The following GRM7 variants were observed in gnomAD, a reference collection of about 807,000 sequenced individuals.
GRM7 encodes metabotropic glutamate receptor 7.
GRM7 carries 35 observed loss-of-function variants against 84.5 expected under a neutral mutation model. That is an observed-to-expected ratio of 0.41 (90% CI 0.32 to 0.55). GRM7 has a LOEUF of 0.55. Ranked by LOEUF, GRM7 falls within the 20% of genes least tolerant of loss-of-function variation. The pLI, the probability that GRM7 is intolerant of heterozygous loss-of-function variation, is 0.19. For synonymous variants in GRM7, 487 were observed against 455.1 expected (o/e 1.07, Z -0.89); for missense variants, 1,003 against 1,194.6 (o/e 0.84, Z 2.36).
chr3:7,635,367 T>C (rs1404213213), intron 8 of GRM7, among the ~76,000 whole-genome samples: 1 of 152,212 alleles, frequency 6.6e-6, no homozygotes, highest in African/African-American at 2.4e-5. Context: ...CAAGTAGAAC[T>C]TGAGGGATGT....
intron 1 of GRM7, among the ~76,000 whole-genome samples, chr3:6,947,296 G>A (rs62235423): frequency 0.073 from 11,062 of 152,018 alleles, 557 homozygotes; most frequent in Non-Finnish European, 0.11. Context: ...CCTTTTCTGC[G>A]TTTATTGAGA....
intron 8 of GRM7, among the ~76,000 whole-genome samples, chr3:7,663,270 G>T (rs1189895318): frequency 6.6e-6 from 1 of 152,182 alleles, no homozygotes; most frequent in African/African-American, 2.4e-5. Context: ...GCATCGCTCA[G>T]GGAGCTCAGA....
rs139138026 is a variant in GRM7 at position 7,445,763 on chromosome 3, C to T, written c.1175-6844C>T. 1.8e-3 allele frequency among the ~76,000 whole-genome samples: 271 copies of T among 152,268 alleles called. 2 individuals are homozygous for T. The highest frequency in any genetic ancestry group is 6.2e-3 in the African/African-American group (259 of 41,552). On this transcript the variant is annotated intron_variant, in intron 5 of 9. Coordinates refer to ENST00000357716, the MANE Select transcript of GRM7 (RefSeq NM_000844.4). ...GTTTCACATTAATATTCATTTTATA[C>T]AGAGAAATGCATACCCTTGAGGGGG... is the stretch of plus-strand genomic sequence containing the variant.
At chr3:7,183,926 G>C (rs1695428625) in intron 2 of GRM7, among the ~76,000 whole-genome samples, 1 of 152,168 alleles carries the variant, frequency 6.6e-6, no homozygotes, top group Non-Finnish European at 1.5e-5. Flanking sequence ...GGTGCATTAG[G>C]AGTTGAACAG....
chr3:7,227,880 G>A (rs892516723), intron 2 of GRM7, among the ~76,000 whole-genome samples: 5 of 152,118 alleles, frequency 3.3e-5, no homozygotes, highest in African/African-American at 4.8e-5. Flanking sequence ...GTAATTCCAG[G>A]AGTAGTCCCT....
At chr3:6,921,187 G>A (rs1697111153) in intron 1 of GRM7, among the ~76,000 whole-genome samples, 2 of 152,298 alleles carry the variant, frequency 1.3e-5, no homozygotes, top group South Asian at 2.1e-4. Context: ...AAAAGCTGCC[G>A]AGAGGCAACT....
At chr3:7,163,634 T>C (rs1292578251) in intron 2 of GRM7, among the ~76,000 whole-genome samples, 1 of 152,120 alleles carries the variant, frequency 6.6e-6, no homozygotes, top group Non-Finnish European at 1.5e-5. Flanking sequence ...TTGGATGTTA[T>C]TTTAGACAGG....
chr3:7,596,665 A>G (rs575388229), intron 8 of GRM7, among the ~76,000 whole-genome samples: 9 of 152,298 alleles, frequency 5.9e-5, no homozygotes, highest in African/African-American at 2.2e-4. Flanking sequence ...AGAGCATCCA[A>G]TTGAGCAATG....
chr3:7,063,574 A>G (rs923280902), intron 1 of GRM7, among the ~76,000 whole-genome samples: 2 of 151,754 alleles, frequency 1.3e-5, no homozygotes, highest in African/African-American at 4.8e-5. Flanking sequence ...ATTTGATGAA[A>G]ATCTATAAGC....
In GRM7 at chr3:7,388,296, T is replaced by A. The variant is rs186965145; in HGVS notation, c.1034-26727T>A. 5.3e-5 allele frequency among the ~76,000 whole-genome samples: 8 copies of A among 152,284 alleles called. No homozygotes were observed. In the East Asian group the frequency reaches 1.5e-3, roughly 29 times the overall value. On this transcript the variant is annotated intron_variant, in intron 4 of 9. Transcript: ENST00000357716. ...ATGCCTTTTGTTTCTTTCTCTTGCC[T>A]GATCACTCTGGCTGGGACTTCCGGA...
intron 6 of GRM7, among the ~76,000 whole-genome samples, chr3:7,455,373 C>A: frequency 6.6e-6 from 1 of 152,114 alleles, no homozygotes; most frequent in South Asian, 2.1e-4. Flanking sequence ...GTACCTTTCA[C>A]CAAGATACAT....
chr3:7,515,030 C>T (rs952821604), intron 7 of GRM7, among the ~76,000 whole-genome samples: 1 of 151,816 alleles, frequency 6.6e-6, no homozygotes, highest in African/African-American at 2.4e-5. Flanking sequence ...TTAGGCAAGC[C>T]ATTCAGCCTT....
At chr3:7,121,494 G>A (rs987741860) in intron 1 of GRM7, among the ~76,000 whole-genome samples, 2 of 152,054 alleles carry the variant, frequency 1.3e-5, no homozygotes, top group Admixed American at 1.3e-4. Flanking sequence ...ATGCTTCATT[G>A]AAACCTATGC....
chr3:7,127,791 C>T (rs1392832553), intron 1 of GRM7, among the ~76,000 whole-genome samples: 2 of 151,996 alleles, frequency 1.3e-5, no homozygotes, highest in African/African-American at 4.8e-5. Context: ...GTTTGTTTTA[C>T]TTCCAATACT....
intron 1 of GRM7, among the ~76,000 whole-genome samples, chr3:7,077,376 T>C (rs1377802131): frequency 6.6e-6 from 1 of 152,062 alleles, no homozygotes; most frequent in Admixed American, 6.6e-5. Context: ...ATATATACCA[T>C]GGAATACTAT....
intron 5 of GRM7, among the ~76,000 whole-genome samples, chr3:7,435,584 C>T (rs921658147): frequency 6.6e-6 from 1 of 151,932 alleles, no homozygotes; most frequent in African/African-American, 2.4e-5. Context: ...ACGATCTCAG[C>T]TCGCTGCAAC....
Position 7,740,556 on chromosome 3 carries a change from A to C in GRM7, c.*150A>C. 2.0e-6 allele frequency: 1 copy of C among 493,934 alleles called. No homozygotes were observed. Among genetic ancestry groups the C allele is most frequent in the South Asian group, 4.1e-5 (1 of 24,144 alleles). 30.6% of individuals were successfully genotyped at this position (493,934 alleles called of 1,614,324 possible). ...CAGTGTTAGAGGATCCAAGCGACCT[A>C]AACAGCTGCTTTATGAAATATCCTT... On this transcript the variant is annotated 3_prime_UTR_variant, in exon 10 of 10. Transcript: ENST00000357716.
chr3:7,668,634 G>T (rs1699799335), intron 8 of GRM7, among the ~76,000 whole-genome samples: 1 of 152,204 alleles, frequency 6.6e-6, no homozygotes, highest in Admixed American at 6.5e-5. Context: ...AACTGGGTGG[G>T]GTAGAAGAAC....
chr3:7,305,342 TC>T lies in GRM7; in HGVS notation c.879-1155del, dbSNP rs1191456002. On this transcript the variant is annotated intron_variant, in intron 3 of 9. Transcript: ENST00000357716. ...TCCTATGCTGCTGCTTTTTTTTTTT[TC>T]TTTTTTTTTTTTTTTAATTATACTT... 2.2e-4 allele frequency among the ~76,000 whole-genome samples: 19 copies of T among 85,058 alleles called. 1 individual carries two copies. Among genetic ancestry groups the T allele is most frequent in the Middle Eastern group, 0.013 (2 of 160 alleles). 55.8% of individuals were successfully genotyped at this position (85,058 alleles called of 152,430 possible).
Sources: gnomAD v4.1 joint callset for allele counts (sites outside exome capture counted in the v4.1 genomes callset) on GRCh38, gnomAD v4.1.1 for gene constraint, MANE v1.5 for transcripts, NCBI Gene and HGNC (gene_info 2026-07-23, HGNC 2026-07-21) for gene names.